The following HSPBAP1 variants were observed in gnomAD, a reference collection of about 807,000 sequenced individuals.
HSPBAP1 encodes HSPB1-associated protein 1.
In HSPBAP1, 27 loss-of-function variants were observed where a neutral mutation model predicts 45.2. The ratio of observed to expected loss-of-function variants is 0.60; its 90% CI spans 0.44 to 0.82. The LOEUF (loss-of-function observed/expected upper bound fraction) is 0.82. Ranked by LOEUF, HSPBAP1 falls within the 40% of genes least tolerant of loss-of-function variation. HSPBAP1 has a pLI of 0.00. For missense variants in HSPBAP1, 510 were observed against 590.9 expected, an observed-to-expected ratio of 0.86 and a Z score of 1.42; for synonymous variants, 204 against 202.7, an observed-to-expected ratio of 1.01 and a Z score of -0.06.
At chr3:122,778,512 CTTT>C (rs764699673) in intron 1 of HSPBAP1, among the ~76,000 whole-genome samples, 11 of 124,954 alleles carry the variant, frequency 8.8e-5, no homozygotes, top group East Asian at 6.4e-4. Flanking sequence ...TCTAGTATTT[CTTT>C]TTTTTTTATT....
chr3:122,741,210 A>G (rs1576227814), intron 6 of HSPBAP1, 97 bp from the exon 7 acceptor site: 2 of 905,944 alleles, frequency 2.2e-6, no homozygotes, highest in East Asian at 5.1e-5. Flanking sequence ...TTCTCTCATT[A>G]ATATAAGCTT....
rs1934312513 is a variant in HSPBAP1, at chr3:122,755,382, T to C, written c.619A>G (p.Thr207Ala). ...CTAGATTCTTCATAAGGGATTCTAG[T>C]TGGATAAAGGAAAGGAGTATCTTCA... ...PPEDTPFLYP[T>A]RIPYEESSVF... is the part of the protein sequence containing the mutation. Residue 207 changes from threonine (T) to alanine (A), a missense_variant, in exon 5 of 8, where the codon ACT (threonine) becomes GCT (alanine). Transcript: ENST00000306103. 1 of 1,589,676 alleles carries C rather than the reference T, an allele frequency of 6.3e-7. No individual in the cohort carries two copies. The highest frequency in any genetic ancestry group is 1.8e-5 in the Admixed American group (1 of 57,082).
chr3:122,781,906 A>G (rs1278191875), intron 1 of HSPBAP1, among the ~76,000 whole-genome samples: 2 of 152,138 alleles, frequency 1.3e-5, no homozygotes, highest in Admixed American at 6.5e-5. Context: ...TCTCTTTGCT[A>G]TTGTGAATAA....
chr3:122,767,574 CA>C (rs947277744), intron 3 of HSPBAP1, among the ~76,000 whole-genome samples: 1 of 151,586 alleles, frequency 6.6e-6, no homozygotes, highest in Non-Finnish European at 1.5e-5. Context: ...ACAATGACAA[CA>C]ACAACAAAAA....
chr3:122,765,316 C>T (rs7653264), intron 3 of HSPBAP1, among the ~76,000 whole-genome samples: 14,210 of 152,196 alleles, frequency 0.093, 725 homozygotes, highest in East Asian at 0.13. Flanking sequence ...CATGATGGCT[C>T]ATGCCTGCAA....
intron 4 of HSPBAP1, among the ~76,000 whole-genome samples, chr3:122,758,319 A>G (rs988080402): frequency 1.3e-5 from 2 of 152,224 alleles, no homozygotes; most frequent in Non-Finnish European, 2.9e-5. Flanking sequence ...AACCAGGTAT[A>G]TCAAAAGCAC....
Position 122,773,238 on chromosome 3 carries a change from G to GA in HSPBAP1, c.251-4357dup, listed in dbSNP as rs1449630682. Among the ~76,000 whole-genome samples, 3 of 149,658 alleles carry GA rather than the reference G, an allele frequency of 2.0e-5. No individual in the cohort carries two copies. In the East Asian group the frequency reaches 5.8e-4, roughly 29 times the overall value. ...GAAATAGTCAAAGACCAATTATCAG[G>GA]AAAAAATACAAATTACTAATAAACA... On this transcript the variant is annotated intron_variant, in intron 2 of 7. Transcript: ENST00000306103.
chr3:122,772,858 A>G (rs929433875), intron 2 of HSPBAP1, among the ~76,000 whole-genome samples: 1 of 151,458 alleles, frequency 6.6e-6, no homozygotes, highest in Non-Finnish European at 1.5e-5. Context: ...CATTTTTTTT[A>G]CTTATTTTTT....
At chr3:122,756,121 G>A (rs769621725) in intron 4 of HSPBAP1, among the ~76,000 whole-genome samples, 2 of 152,120 alleles carry the variant, frequency 1.3e-5, no homozygotes, top group East Asian at 3.9e-4. Flanking sequence ...AGGCAAAAGC[G>A]AGAGAAGTAT....
chr3:122,768,736 C>T lies in HSPBAP1; in HGVS notation c.397G>A (p.Val133Ile), dbSNP rs770389049. Residue 133 changes from valine (V) to isoleucine (I), a missense_variant, in exon 3 of 8, where the codon GTC becomes ATC. By Grantham distance (29) the Val-to-Ile change is conservative (BLOSUM62 3). Coordinates refer to ENST00000306103, the MANE Select transcript of HSPBAP1 (RefSeq NM_024610.6). ...TCTGTCTTGTCTTCAAATAGACTGA[C>T]AAAATATTTATAGTCAGCATAAGCC... The part of the protein sequence containing the change: ...FWAYADYKYF[V>I]SLFEDKTDLF... 1 of 1,612,662 alleles carries T rather than the reference C, an allele frequency of 6.2e-7. No homozygotes were observed.
At chr3:122,772,494 G>A (rs557590792) in intron 2 of HSPBAP1, among the ~76,000 whole-genome samples, 59 of 152,052 alleles carry the variant, frequency 3.9e-4, no homozygotes, top group Admixed American at 7.2e-4. Flanking sequence ...CAAGAATATA[G>A]TAAAATAATA....
chr3:122,774,581 A>T (rs1051710880), intron 2 of HSPBAP1, among the ~76,000 whole-genome samples: 3 of 152,192 alleles, frequency 2.0e-5, no homozygotes, highest in African/African-American at 7.2e-5. Flanking sequence ...TTAAGCAGAG[A>T]AATAAGATTA....
Position 122,777,709 on chromosome 3 carries a change from C to T in HSPBAP1, c.250+12G>A, listed in dbSNP as rs1445361149. 2.5e-6 allele frequency: 4 copies of T among 1,599,606 alleles called. 1 individual carries two copies. Among genetic ancestry groups the T allele is most frequent in the South Asian group, 1.1e-5 (1 of 90,072 alleles). Reference sequence around the variant, plus strand: ...GAAGAGACATTATGATGGTGATTACCTATAGTCATACCTGTGCTCATGCTT... The same window carrying T: ...GAAGAGACATTATGATGGTGATTACTTATAGTCATACCTGTGCTCATGCTT... On this transcript the variant is annotated intron_variant, in intron 2 of 7. Transcript: ENST00000306103.
chr3:122,755,223 C>T lies in HSPBAP1; in HGVS notation c.741+37G>A, dbSNP rs375874622. The T allele has an allele frequency of 9.5e-6, 14 of 1,474,008 alleles. No individual in the cohort carries two copies. The Admixed American group carries it at 1.2e-4, about 12-fold the overall frequency. 91.3% of individuals were successfully genotyped at this position (1,474,008 alleles called of 1,614,324 possible). A position where few individuals can be genotyped will look rare whatever the true frequency, so the allele number is the denominator to read the frequency against. ...CTTGAGAGAGTTACAGCTGTGGTGT[C>T]CCCTGGCAGGTCATTAATGTTTTAA... On this transcript the variant is annotated intron_variant, in intron 5 of 7. Coordinates refer to ENST00000306103, the MANE Select transcript of HSPBAP1 (RefSeq NM_024610.6).
intron 6 of HSPBAP1, among the ~76,000 whole-genome samples, chr3:122,746,787 C>T (rs889294358): frequency 4.6e-5 from 7 of 152,090 alleles, no homozygotes; most frequent in South Asian, 2.1e-4. Context: ...CGAGTGCCTG[C>T]GATTGCAGGC....
chr3:122,782,685 C>G (rs1446839690), intron 1 of HSPBAP1, among the ~76,000 whole-genome samples: 2 of 152,172 alleles, frequency 1.3e-5, no homozygotes, highest in African/African-American at 4.8e-5. Context: ...TTCTCAAGAA[C>G]AATCAGCTAA....
At chr3:122,754,971 T>G (rs1934291684) in intron 5 of HSPBAP1, 1 of 1,077,948 alleles carries the variant, frequency 9.3e-7, no homozygotes, top group African/African-American at 1.6e-5. Context: ...TCTCCTGACC[T>G]AAATGAAAAT....
chr3:122,753,388 C>CAGACTA (rs1553752694), intron 5 of HSPBAP1: 12 of 941,394 alleles, frequency 1.3e-5, no homozygotes, highest in Non-Finnish European at 1.5e-5. Context: ...CAGCGGACTT[C>CAGACTA]AGAATCTAGA....
intron 2 of HSPBAP1, among the ~76,000 whole-genome samples, chr3:122,776,217 A>G (rs1323056662): frequency 6.6e-6 from 1 of 152,256 alleles, no homozygotes; most frequent in African/African-American, 2.4e-5. Flanking sequence ...TTGTGCATAT[A>G]CTAACAACCA....
Sources: allele counts gnomAD v4.1 joint callset (sites outside exome capture counted in the v4.1 genomes callset), GRCh38; gene constraint gnomAD v4.1.1; transcripts MANE v1.5; gene names NCBI Gene and HGNC (gene_info 2026-07-23, HGNC 2026-07-21).